Variants in FBXL7 observed in about 807,000 individuals in gnomAD.
The protein encoded by FBXL7 is F-box and leucine rich repeat protein 7.
FBXL7 carries 12 observed loss-of-function variants against 38.3 expected under a neutral mutation model. The observed-to-expected ratio is 0.31, with a 90% CI of 0.20 to 0.51. The LOEUF (loss-of-function observed/expected upper bound fraction) is 0.51, where lower values mean the gene tolerates loss of function less well. Ranked by LOEUF, FBXL7 falls within the 20% of genes least tolerant of loss-of-function variation. The pLI, the probability that FBXL7 is intolerant of heterozygous loss-of-function variation, is 0.98. For missense variants in FBXL7, 567 were observed against 676.4 expected (o/e 0.84, Z 1.79); for synonymous variants, 297 against 300.9 (o/e 0.99, Z 0.13).
At chr5:15,729,468 C>CT (rs574611834) in intron 2 of FBXL7, among the ~76,000 whole-genome samples, 2 of 151,966 alleles carry the variant, frequency 1.3e-5, no homozygotes, top group African/African-American at 2.4e-5. Flanking sequence ...TTATTAGCCT[C>CT]TTTTTTTGAC....
chr5:15,635,449 C>G lies in FBXL7; in HGVS notation c.127+19377C>G, dbSNP rs145817520. On this transcript the variant is annotated intron_variant, in intron 2 of 3. Transcript: ENST00000504595. Reference sequence around the variant, plus strand: ...GAAATGGACACAGCATCATTTCTGCCATGTTCTGTTAGTCATAGCAGTCCC... The same window carrying G: ...GAAATGGACACAGCATCATTTCTGCGATGTTCTGTTAGTCATAGCAGTCCC... Among the ~76,000 whole-genome samples, 441 of 152,262 alleles carry G rather than the reference C, an allele frequency of 2.9e-3. 7 individuals are homozygous for G. The highest frequency in any genetic ancestry group is 0.026 in the Admixed American group (392 of 15,292).
Position 15,540,672 on chromosome 5 carries a change from C to T in FBXL7, c.37+39959C>T, listed in dbSNP as rs1737714066. 2.0e-5 allele frequency among the ~76,000 whole-genome samples: 3 copies of T among 152,286 alleles called. No homozygotes were observed. In the South Asian group the frequency reaches 6.2e-4, roughly 32 times the overall value. On this transcript the variant is annotated intron_variant, in intron 1 of 3. Transcript: ENST00000504595. The stretch of plus-strand genomic sequence containing the variant: ...TTAAAAAGAGCAGACATTTATTTCT[C>T]ACAGTTCTGGAGGCTGAACGTCTAA...
Position 15,936,560 on chromosome 5 carries a change from G to A in FBXL7, c.850G>A (p.Val284Met), listed in dbSNP as rs1742192871. ...IRYLDMTDCFVLEDEGLHTIA... is the reference protein window; with the variant it reads ...IRYLDMTDCFMLEDEGLHTIA... ...CTACCTGGACATGACGGACTGCTTC[G>A]TGCTGGAGGACGAAGGCCTGCACAC... The change falls in exon 4 of 4, where the codon GTG (valine) becomes ATG (methionine). Residue 284 changes from valine (V) to methionine (M), a missense_variant. Val to Met is a conservative substitution (Grantham distance 21, BLOSUM62 1). Coordinates refer to ENST00000504595, the MANE Select transcript of FBXL7 (RefSeq NM_012304.5). The surrounding 1 kb of genome is among the most constrained non-coding windows in gnomAD (Gnocchi z 6.0). 3.1e-6 allele frequency: 5 copies of A among 1,613,050 alleles called. No individual in the cohort carries two copies. Among genetic ancestry groups the A allele is most frequent in the African/African-American group, 1.3e-5 (1 of 74,942 alleles).
intron 2 of FBXL7, among the ~76,000 whole-genome samples, chr5:15,783,854 C>G (rs529110358): frequency 5.9e-5 from 9 of 152,254 alleles, no homozygotes; most frequent in African/African-American, 2.2e-4. Flanking sequence ...AGTTTTGGAT[C>G]AGGATGTAGA....
At position 15,936,851 on chromosome 5, in the gene FBXL7, C is replaced by T. The variant is rs750262820; in HGVS notation, c.1141C>T (p.Leu381Phe). ...VAKYCSKLRY[L>F]NARGCEGITD... is the part of the protein sequence containing the mutation. ...CAAGTACTGCAGCAAGCTGCGCTAC[C>T]TCAACGCGAGGGGCTGCGAGGGCAT... The change falls in exon 4 of 4, where the codon CTC becomes TTC. Residue 381 changes from leucine (L) to phenylalanine (F), a missense_variant. Transcript: ENST00000504595. The surrounding 1 kb of genome is among the most constrained non-coding windows in gnomAD (Gnocchi z 6.0). 2.5e-6 allele frequency: 4 copies of T among 1,613,828 alleles called. No individual in the cohort carries two copies. The highest frequency in any genetic ancestry group is 2.2e-5 in the South Asian group (2 of 91,058).
In FBXL7 at chr5:15,925,178, G is replaced by A. The variant is rs139001588; in HGVS notation, c.128-2712G>A. 6.0e-4 allele frequency among the ~76,000 whole-genome samples: 91 copies of A among 152,314 alleles called. 1 individual carries two copies. Among genetic ancestry groups the A allele is most frequent in the African/African-American group, 2.1e-3 (89 of 41,572 alleles). On this transcript the variant is annotated intron_variant, in intron 2 of 3. Transcript: ENST00000504595. Reference sequence around the variant, plus strand: ...GTGCGCAAATGTCTTGAATTGAATGGTAATGCTAATATGTTAAAAATAATA... The same window carrying A: ...GTGCGCAAATGTCTTGAATTGAATGATAATGCTAATATGTTAAAAATAATA...
chr5:15,918,794 T>C (rs1011482903), intron 2 of FBXL7, among the ~76,000 whole-genome samples: 1 of 152,242 alleles, frequency 6.6e-6, no homozygotes, highest in Non-Finnish European at 1.5e-5. Context: ...CAGGAGTCTC[T>C]GCCATCGTCT....
chr5:15,896,494 T>C (rs905262242), intron 2 of FBXL7, among the ~76,000 whole-genome samples: 1 of 152,222 alleles, frequency 6.6e-6, no homozygotes, highest in Non-Finnish European at 1.5e-5. Flanking sequence ...GATAATGGTC[T>C]TTAAGCCAAT....
intron 2 of FBXL7, among the ~76,000 whole-genome samples, chr5:15,846,977 A>G (rs1035508273): frequency 1.3e-5 from 2 of 152,208 alleles, no homozygotes; most frequent in Admixed American, 1.3e-4. Context: ...TAAAGAACCA[A>G]TAATCTTGAA....
chr5:15,734,885 C>T (rs1193983558), intron 2 of FBXL7, among the ~76,000 whole-genome samples: 12 of 152,148 alleles, frequency 7.9e-5, no homozygotes, highest in Admixed American at 7.9e-4. Context: ...TCATGGAGGG[C>T]CTTGCCTCCT....
At chr5:15,508,112 C>T (rs972132688) in intron 1 of FBXL7, among the ~76,000 whole-genome samples, 1 of 152,114 alleles carries the variant, frequency 6.6e-6, no homozygotes, top group African/African-American at 2.4e-5. Flanking sequence ...CATAGCTTAG[C>T]CTACCCTACT....
At chr5:15,889,121 C>T (rs1193090437) in intron 2 of FBXL7, among the ~76,000 whole-genome samples, 1 of 152,092 alleles carries the variant, frequency 6.6e-6, no homozygotes, top group African/African-American at 2.4e-5. Flanking sequence ...CATTCACAAC[C>T]TCTCAGAGAC....
intron 2 of FBXL7, among the ~76,000 whole-genome samples, chr5:15,739,919 G>A (rs1735852146): frequency 6.6e-6 from 1 of 152,078 alleles, no homozygotes; most frequent in Non-Finnish European, 1.5e-5. Flanking sequence ...TAGGAGTGCT[G>A]GGTTGTGTGA....
Position 15,641,099 on chromosome 5 carries a change from T to C in FBXL7, c.127+25027T>C, listed in dbSNP as rs561158330. 2.6e-5 allele frequency among the ~76,000 whole-genome samples: 4 copies of C among 152,212 alleles called. No homozygotes were observed. In the South Asian group the frequency reaches 8.3e-4, roughly 32 times the overall value. Reference sequence around the variant, plus strand: ...CCAGAGTGAAGACAATCAAGGCAAGTCTCCAAAGAATTGCTACACTCTCCA... The same window carrying C: ...CCAGAGTGAAGACAATCAAGGCAAGCCTCCAAAGAATTGCTACACTCTCCA... On this transcript the variant is annotated intron_variant, in intron 2 of 3. Coordinates refer to ENST00000504595, the MANE Select transcript of FBXL7 (RefSeq NM_012304.5).
chr5:15,802,504 G>C (rs1737596837), intron 2 of FBXL7, among the ~76,000 whole-genome samples: 1 of 151,980 alleles, frequency 6.6e-6, no homozygotes. Context: ...CCCGCCTCAG[G>C]ACAGTGGCAC....
intron 2 of FBXL7, among the ~76,000 whole-genome samples, chr5:15,834,241 G>A (rs1738530339): frequency 6.6e-6 from 1 of 152,154 alleles, no homozygotes; most frequent in African/African-American, 2.4e-5. Flanking sequence ...TCTAGGGAAC[G>A]TAACTTTGTT....
intron 2 of FBXL7, among the ~76,000 whole-genome samples, chr5:15,753,147 T>C (rs973722845): frequency 1.3e-5 from 2 of 152,106 alleles, no homozygotes; most frequent in African/African-American, 4.8e-5. Context: ...CTGGACAGTC[T>C]GCCAGACACA....
At chr5:15,683,379 G>C (rs567943999) in intron 2 of FBXL7, among the ~76,000 whole-genome samples, 2 of 152,196 alleles carry the variant, frequency 1.3e-5, no homozygotes. Flanking sequence ...ACCAGGACCC[G>C]TGTCAGGGAG....
chr5:15,553,943 C>G (rs1453111823), intron 1 of FBXL7, among the ~76,000 whole-genome samples: 1 of 152,114 alleles, frequency 6.6e-6, no homozygotes, highest in Admixed American at 6.5e-5. Flanking sequence ...CTTCACAATT[C>G]TGCTTGGTTG....
Sources: allele counts gnomAD v4.1 joint callset (sites outside exome capture counted in the v4.1 genomes callset), GRCh38; gene constraint gnomAD v4.1.1; non-coding constraint Gnocchi (gnomAD v3.1); transcripts MANE v1.5; gene names NCBI Gene and HGNC (gene_info 2026-07-23, HGNC 2026-07-21).